Variants in PKP4 observed in about 807,000 individuals in gnomAD.
PKP4 encodes the protein plakophilin-4.
Under a neutral mutation model 145.1 loss-of-function variants are expected in PKP4, and 90 were observed. That is an observed-to-expected ratio of 0.62 (90% CI 0.52 to 0.74). The LOEUF (loss-of-function observed/expected upper bound fraction) is 0.74, where lower values mean the gene tolerates loss of function less well. Ranked by LOEUF, PKP4 falls within the 30% of genes least tolerant of loss-of-function variation. The pLI, the probability that PKP4 is intolerant of heterozygous loss-of-function variation, is 0.00. For missense variants in PKP4, 1,340 were observed against 1,482.7 expected, an observed-to-expected ratio of 0.90 and a Z score of 1.58; for synonymous variants, 563 against 577.2, an observed-to-expected ratio of 0.98 and a Z score of 0.35.
At chr2:158,644,333 C>T (rs1293824859) in intron 11 of PKP4, among the ~76,000 whole-genome samples, 1 of 152,050 alleles carries the variant, frequency 6.6e-6, no homozygotes, top group Non-Finnish European at 1.5e-5. Flanking sequence ...GTCGGAAGTG[C>T]GGAGTGAGAG....
intron 2 of PKP4, among the ~76,000 whole-genome samples, chr2:158,574,678 A>G (rs1447929698): frequency 6.6e-6 from 1 of 151,998 alleles, no homozygotes; most frequent in South Asian, 2.1e-4. Flanking sequence ...CACTTTTACA[A>G]ATTCAGTGCT....
In PKP4 at chr2:158,651,227, T is replaced by C. The variant is rs1379688165; in HGVS notation, c.1910-6904T>C. On this transcript the variant is annotated intron_variant, in intron 11 of 21. Coordinates refer to ENST00000389759, the MANE Select transcript of PKP4 (RefSeq NM_003628.6). Reference sequence around the variant, plus strand: ...AGCCCAGCAGACAGTTTTATGGCACTGATTCTCCCCACCACCCCCTTGACT... The same window carrying C: ...AGCCCAGCAGACAGTTTTATGGCACCGATTCTCCCCACCACCCCCTTGACT... Among the ~76,000 whole-genome samples, 3 of 152,178 alleles carry C rather than the reference T, an allele frequency of 2.0e-5. 1 individual carries two copies. Among genetic ancestry groups the C allele is most frequent in the Admixed American group, 2.0e-4 (3 of 15,278 alleles).
intron 1 of PKP4, among the ~76,000 whole-genome samples, chr2:158,522,479 A>C (rs1574261208): frequency 6.6e-6 from 1 of 152,210 alleles, no homozygotes; most frequent in Non-Finnish European, 1.5e-5. Flanking sequence ...TGCCAGTTTC[A>C]CATATGAGCC....
At chr2:158,595,096 ATAAGTC>A (rs2049608578) in intron 3 of PKP4, among the ~76,000 whole-genome samples, 2 of 152,346 alleles carry the variant, frequency 1.3e-5, no homozygotes, top group African/African-American at 4.8e-5. Context: ...GACAGAGAGC[ATAAGTC>A]TCTAGTGTAA....
At chr2:158,631,264 A>G (rs555516417) in intron 7 of PKP4, among the ~76,000 whole-genome samples, 5 of 151,974 alleles carry the variant, frequency 3.3e-5, no homozygotes, top group East Asian at 2.0e-4. Flanking sequence ...TAAAATATAT[A>G]TATGCAGTAC....
rs1360854453 is a variant in PKP4 at position 158,642,685 on chromosome 2, G to T, written c.1895G>T (p.Arg632Met). Residue 632 changes from arginine to methionine, a missense_variant, in exon 11 of 22, where the codon AGG (arginine) becomes ATG (methionine). By Grantham distance (91) the Arg-to-Met change is moderately conservative. Transcript: ENST00000389759. ...LLRKSIDAEV[R>M]ELVTGVLWNL... The stretch of plus-strand genomic sequence containing the variant: ...AGAAAATCTATTGATGCAGAAGTAA[G>T]GGAGCTTGTTACAGGTAGGTATAGA... 5 of 1,603,392 alleles carry T rather than the reference G, an allele frequency of 3.1e-6. No individual in the cohort carries two copies. Among genetic ancestry groups the T allele is most frequent in the Non-Finnish European group, 4.3e-6 (5 of 1,173,150 alleles).
intron 7 of PKP4, among the ~76,000 whole-genome samples, chr2:158,630,627 T>C (rs952053085): frequency 9.9e-5 from 15 of 152,236 alleles, no homozygotes; most frequent in African/African-American, 3.4e-4. Context: ...GTACATTATA[T>C]AGGCGTTCTC....
At chr2:158,596,640 A>AG (rs2049774794) in intron 3 of PKP4, among the ~76,000 whole-genome samples, 1 of 150,826 alleles carries the variant, frequency 6.6e-6, no homozygotes, top group East Asian at 1.9e-4. Flanking sequence ...AAAAAAAAAA[A>AG]GAAAAGAATA....
rs547447643 is a variant in PKP4, at chr2:158,670,611, T to C, written c.2924+696T>C. Among the ~76,000 whole-genome samples the C allele has an allele frequency of 2.6e-5, 4 of 152,338 alleles. No individual in the cohort carries two copies. In the South Asian group the frequency reaches 8.3e-4, roughly 32 times the overall value. ...AATCTAGGGGGCACCATTTCCCTTG[T>C]GCCCTTGTCTCTCTGCTCCAGGCCT... On this transcript the variant is annotated intron_variant, in intron 17 of 21. Transcript: ENST00000389759.
At chr2:158,596,602 G>A (rs1483831985) in intron 3 of PKP4, among the ~76,000 whole-genome samples, 3 of 150,708 alleles carry the variant, frequency 2.0e-5, no homozygotes, top group African/African-American at 7.3e-5. Context: ...CCCAGCCTGG[G>A]CAATGAAATG....
intron 17 of PKP4, among the ~76,000 whole-genome samples, chr2:158,672,021 G>T (rs541286218): frequency 1.1e-4 from 16 of 152,200 alleles, no homozygotes; most frequent in Admixed American, 2.0e-4. Context: ...ACAGAGGGAA[G>T]CCGGTGGGGC....
intron 15 of PKP4, among the ~76,000 whole-genome samples, chr2:158,664,183 T>G (rs1194188795): frequency 6.6e-6 from 1 of 152,100 alleles, no homozygotes; most frequent in Non-Finnish European, 1.5e-5. Flanking sequence ...GGGATTGGAT[T>G]TGGGAGCCAG....
At chr2:158,536,180 T>A (rs1302653194) in intron 2 of PKP4, among the ~76,000 whole-genome samples, 1 of 152,186 alleles carries the variant, frequency 6.6e-6, no homozygotes, top group African/African-American at 2.4e-5. Flanking sequence ...CTTTGAATAT[T>A]GAGCACTGTT....
intron 4 of PKP4, among the ~76,000 whole-genome samples, chr2:158,619,786 G>C (rs541532580): frequency 6.6e-6 from 1 of 152,326 alleles, no homozygotes; most frequent in East Asian, 1.9e-4. Flanking sequence ...ATAAAAGTCT[G>C]TCTGTCCTCG....
intron 3 of PKP4, among the ~76,000 whole-genome samples, chr2:158,593,154 G>A (rs2049417838): frequency 6.6e-6 from 1 of 152,060 alleles, no homozygotes; most frequent in African/African-American, 2.4e-5. Context: ...TAGAAATGAG[G>A]AAGGCAACAG....
At chr2:158,562,399 G>A (rs72936960) in intron 2 of PKP4, among the ~76,000 whole-genome samples, 30,070 of 152,098 alleles carry the variant, frequency 0.2, 3,828 homozygotes, top group Middle Eastern at 0.35. Flanking sequence ...AAGACAAATA[G>A]TATATACATA....
Position 158,518,539 on chromosome 2 carries a change from C to T in PKP4, c.-5-14641C>T, listed in dbSNP as rs2042107992. Among the ~76,000 whole-genome samples the T allele has an allele frequency of 3.3e-5, 5 of 151,986 alleles. No individual in the cohort carries two copies. In the South Asian group the frequency reaches 1.0e-3, roughly 32 times the overall value. Reference sequence around the variant, plus strand: ...ACTAGTGTCATTTCACTTTTATCAGCTCCTCACTCCTCTCATGTTGAGACT... The same window carrying T: ...ACTAGTGTCATTTCACTTTTATCAGTTCCTCACTCCTCTCATGTTGAGACT... On this transcript the variant is annotated intron_variant, in intron 1 of 21. Transcript: ENST00000389759.
intron 3 of PKP4, among the ~76,000 whole-genome samples, chr2:158,579,586 CAG>C (rs2048152793): frequency 2.0e-5 from 3 of 151,986 alleles, no homozygotes; most frequent in Admixed American, 2.0e-4. Context: ...CACAGTAAAA[CAG>C]ATACAAAGCA....
At chr2:158,620,847 T>A (rs2052159386) in intron 4 of PKP4, 143 bp from the exon 5 acceptor site, 7 of 641,712 alleles carry the variant, frequency 1.1e-5, no homozygotes, top group Admixed American at 2.8e-5. Context: ...TAGTTAAGAG[T>A]CAGATGTGCT....
Sources: gnomAD v4.1 joint callset for allele counts (sites outside exome capture counted in the v4.1 genomes callset) on GRCh38, gnomAD v4.1.1 for gene constraint, MANE v1.5 for transcripts, NCBI Gene and HGNC (gene_info 2026-07-23, HGNC 2026-07-21) for gene names.